Variants in DNAJC1 observed in about 807,000 individuals in gnomAD.
DNAJC1 encodes the protein DnaJ heat shock protein family (Hsp40) member C1.
In DNAJC1, 58 loss-of-function variants were observed where a neutral mutation model predicts 76.6. The observed-to-expected ratio is 0.76, with a 90% CI of 0.61 to 0.94. The LOEUF (loss-of-function observed/expected upper bound fraction) is 0.94, where lower values mean the gene tolerates loss of function less well. Ranked by LOEUF, DNAJC1 falls within the 40% of genes least tolerant of loss-of-function variation. DNAJC1 has a pLI of 0.00. For missense variants in DNAJC1, 689 were observed against 677.3 expected (o/e 1.02, Z -0.19); for synonymous variants, 258 against 267.9 (o/e 0.96, Z 0.36).
At chr10:21,887,549 A>G (rs1296273594) in intron 7 of DNAJC1, among the ~76,000 whole-genome samples, 1 of 152,196 alleles carries the variant, frequency 6.6e-6, no homozygotes, top group Non-Finnish European at 1.5e-5. Context: ...ACATAGACCA[A>G]TGGAACAGAA....
chr10:21,831,221 G>A (rs771269587), intron 8 of DNAJC1, among the ~76,000 whole-genome samples: 3 of 152,080 alleles, frequency 2.0e-5, no homozygotes, highest in Non-Finnish European at 4.4e-5. Flanking sequence ...AGATTTCAAT[G>A]GTTCTAGAAC....
intron 7 of DNAJC1, among the ~76,000 whole-genome samples, chr10:21,883,626 G>A (rs1210483340): frequency 6.6e-6 from 1 of 151,998 alleles, no homozygotes; most frequent in African/African-American, 2.4e-5. Flanking sequence ...TACCTTAAGT[G>A]TACTCAGAAC....
intron 9 of DNAJC1, among the ~76,000 whole-genome samples, chr10:21,794,501 A>C (rs1308859570): frequency 1.3e-5 from 2 of 152,108 alleles, no homozygotes; most frequent in Non-Finnish European, 2.9e-5. Context: ...AGTCAATGCA[A>C]ATGAACATCC....
chr10:21,927,564 A>T (rs547837476), intron 3 of DNAJC1, among the ~76,000 whole-genome samples: 59 of 152,370 alleles, frequency 3.9e-4, no homozygotes, highest in African/African-American at 1.2e-3. Flanking sequence ...GTGTCTCATG[A>T]AATGAATTTA....
At position 22,003,443 on chromosome 10, in the gene DNAJC1, G is replaced by A; in HGVS notation, c.-9C>T. ...GAGCAAGGAGCCGTCATCGCGCTGG[G>A]CTCGGAAAGGTCACCCGCCGCGCAG... On this transcript the variant is annotated 5_prime_UTR_variant, in exon 1 of 12. Transcript: ENST00000376980. The A allele has an allele frequency of 7.4e-7, 1 of 1,357,222 alleles. No individual in the cohort carries two copies. 84.1% of individuals were successfully genotyped at this position (1,357,222 alleles called of 1,614,324 possible).
At chr10:21,756,823 G>A (rs1302434363) in intron 11 of DNAJC1, 68 bp from the exon 12 acceptor site, 20 of 1,457,888 alleles carry the variant, frequency 1.4e-5, no homozygotes, top group East Asian at 6.8e-5. Flanking sequence ...TCATGTGGCC[G>A]GTCTGCTGGC....
At chr10:21,916,062 A>T (rs1369013021) in intron 6 of DNAJC1, among the ~76,000 whole-genome samples, 1 of 152,226 alleles carries the variant, frequency 6.6e-6, no homozygotes, top group Admixed American at 6.5e-5. Context: ...GGAGAAAACC[A>T]TATATATCTA....
At chr10:21,908,111 A>T (rs1325126905) in intron 6 of DNAJC1, among the ~76,000 whole-genome samples, 9 of 111,066 alleles carry the variant, frequency 8.1e-5, no homozygotes, top group Admixed American at 2.7e-4. Context: ...TAATATATAA[A>T]ATATATATAT....
intron 1 of DNAJC1, among the ~76,000 whole-genome samples, chr10:21,989,618 T>C (rs1488088949): frequency 4.6e-5 from 7 of 151,592 alleles, no homozygotes; most frequent in South Asian, 4.2e-4. Context: ...GAAAAAAAAA[T>C]GCGAAAGTGA....
chr10:21,944,906 T>G (rs2131800846), intron 1 of DNAJC1, among the ~76,000 whole-genome samples: 1 of 152,202 alleles, frequency 6.6e-6, no homozygotes, highest in Non-Finnish European at 1.5e-5. Flanking sequence ...TCTGCAGAAA[T>G]AGGAAAACAC....
chr10:21,846,030 TC>T (rs1370140465), intron 8 of DNAJC1, among the ~76,000 whole-genome samples: 2 of 152,168 alleles, frequency 1.3e-5, no homozygotes, highest in African/African-American at 4.8e-5. Context: ...TTATGAAAGA[TC>T]TATAATGCAA....
intron 1 of DNAJC1, among the ~76,000 whole-genome samples, chr10:21,973,556 CT>C (rs1838014379): frequency 6.6e-6 from 1 of 152,068 alleles, no homozygotes; most frequent in African/African-American, 2.4e-5. Flanking sequence ...TGAAATGAAT[CT>C]AAATTGCTGA....
At chr10:21,837,648 T>C (rs1192164595) in intron 8 of DNAJC1, among the ~76,000 whole-genome samples, 13 of 144,752 alleles carry the variant, frequency 9.0e-5, no homozygotes, top group Non-Finnish European at 1.8e-4. Context: ...CCACCCTGTC[T>C]AGGAAGTGAG....
At chr10:21,805,651 C>A (rs1371020004) in intron 9 of DNAJC1, among the ~76,000 whole-genome samples, 1 of 152,014 alleles carries the variant, frequency 6.6e-6, no homozygotes, top group Non-Finnish European at 1.5e-5. Context: ...GAAATACAAC[C>A]CTCCTAATTC....
intron 8 of DNAJC1, among the ~76,000 whole-genome samples, chr10:21,866,948 C>T (rs1836010981): frequency 6.6e-6 from 1 of 152,022 alleles, no homozygotes; most frequent in Non-Finnish European, 1.5e-5. Context: ...ACAAGAAGAA[C>T]TAGAAATATG....
intron 1 of DNAJC1, among the ~76,000 whole-genome samples, chr10:21,948,826 G>T (rs997404615): frequency 2.0e-5 from 3 of 152,128 alleles, no homozygotes; most frequent in African/African-American, 7.2e-5. Context: ...AAAAGCTTGG[G>T]ACAAGTTAAA....
intron 7 of DNAJC1, among the ~76,000 whole-genome samples, chr10:21,902,149 G>A (rs1836666277): frequency 6.6e-6 from 1 of 152,134 alleles, no homozygotes; most frequent in Non-Finnish European, 1.5e-5. Context: ...AGCATAGTAT[G>A]AGGAATGTTT....
chr10:21,801,852 C>G (rs1834818592), intron 9 of DNAJC1, among the ~76,000 whole-genome samples: 3 of 152,230 alleles, frequency 2.0e-5, no homozygotes, highest in Admixed American at 1.3e-4. Context: ...ATAAATGGAG[C>G]TGGAGAGGGT....
At chr10:21,926,246 C>T (rs964893138) in intron 3 of DNAJC1, among the ~76,000 whole-genome samples, 1 of 151,798 alleles carries the variant, frequency 6.6e-6, no homozygotes, top group African/African-American at 2.4e-5. Flanking sequence ...GCCACTGTAC[C>T]CAGCCAGCCT....
Sources: allele counts gnomAD v4.1 joint callset (sites outside exome capture counted in the v4.1 genomes callset), GRCh38; gene constraint gnomAD v4.1.1; transcripts MANE v1.5; gene names NCBI Gene and HGNC (gene_info 2026-07-23, HGNC 2026-07-21).